Variants in TENM1 observed in about 807,000 individuals in gnomAD.
TENM1 encodes the protein teneurin transmembrane protein 1, also known as teneurin-1.
TENM1 carries 35 observed loss-of-function variants against 174.8 expected under a neutral mutation model. The ratio of observed to expected loss-of-function variants is 0.20; its 90% CI spans 0.15 to 0.27. The LOEUF (loss-of-function observed/expected upper bound fraction) is 0.27. Among genes scored for constraint, TENM1 ranks in the 10% least tolerant of loss-of-function variants. The pLI is 1.00. For missense variants in TENM1, 1,633 were observed against 2,130.1 expected, an observed-to-expected ratio of 0.77 and a Z score of 4.59; for synonymous variants, 781 against 798.7, an observed-to-expected ratio of 0.98 and a Z score of 0.37.
At chrX:124,471,970 A>T (rs2061338746) in intron 22 of TENM1, among the ~76,000 whole-genome samples, 1 of 107,239 alleles carries the variant, frequency 9.3e-6, no homozygotes. Context: ...TATAGAGAGT[A>T]AGGGGAAGTG....
chrX:124,707,932 TCCC>T (rs1207871459), intron 4 of TENM1, among the ~76,000 whole-genome samples: 2 of 112,333 alleles, frequency 1.8e-5, no homozygotes, highest in Non-Finnish European at 3.8e-5. Flanking sequence ...TTTGGGGACT[TCCC>T]CCAGCCTACC....
chrX:124,651,678 T>C (rs1019234201), intron 8 of TENM1, among the ~76,000 whole-genome samples: 12 of 111,595 alleles, frequency 1.1e-4, no homozygotes, highest in African/African-American at 3.9e-4. Context: ...AAAAGATGTA[T>C]GGCAAGTGTC....
In TENM1 at chrX:124,598,797, G is replaced by T. The variant is rs1247066019; in HGVS notation, c.2078-33237C>A. Among the ~76,000 whole-genome samples the T allele has an allele frequency of 2.7e-5, 3 of 110,559 alleles. No individual in the cohort carries two copies. The East Asian group carries it at 8.5e-4, about 31-fold the overall frequency. On this transcript the variant is annotated intron_variant, in intron 11 of 31. Coordinates refer to ENST00000422452, the Ensembl canonical transcript of TENM1. ...GGGAGGGAGATGGGGATGGTTAGTG[G>T]GTACAAAATAATAGAAAGAATGAAT... is the stretch of plus-strand genomic sequence containing the variant.
the TENM1 span, among the ~76,000 whole-genome samples, chrX:125,173,279 A>G: frequency 1.8e-5 from 2 of 111,511 alleles, no homozygotes; most frequent in Admixed American, 1.9e-4. Flanking sequence ...TTAAAGATTC[A>G]ATTATTGCCT....
At chrX:124,408,924 G>GT (rs2060497065) in intron 25 of TENM1, among the ~76,000 whole-genome samples, 1 of 102,751 alleles carries the variant, frequency 9.7e-6, no homozygotes, top group East Asian at 3.1e-4. Context: ...GCAGTGTTTG[G>GT]TTTTTTGTCC....
At chrX:124,723,500 G>GT (rs1351705009) in intron 4 of TENM1, among the ~76,000 whole-genome samples, 2 of 108,768 alleles carry the variant, frequency 1.8e-5, no homozygotes, top group African/African-American at 6.7e-5. Context: ...CTCCATCTAG[G>GT]TTTTTCAATA....
chrX:125,195,663 C>G, the TENM1 span, among the ~76,000 whole-genome samples: 5 of 111,502 alleles, frequency 4.5e-5, no homozygotes, highest in Non-Finnish European at 9.4e-5. Context: ...AGATATATCA[C>G]AAATGTACTA....
chrX:124,631,888 C>CAA lies in TENM1; in HGVS notation c.2077+9901_2077+9902dup, dbSNP rs1207149583. Among the ~76,000 whole-genome samples, 197 of 29,585 alleles carry CAA rather than the reference C, an allele frequency of 6.7e-3. 5 individuals are homozygous for CAA. Among genetic ancestry groups the CAA allele is most frequent in the African/African-American group, 0.019 (157 of 8,128 alleles). The allele number at this position is 29,585 out of a possible 115,157, so 25.7% of individuals were successfully genotyped here. ...TGGGCGACAGTATGAGACTCTGTCT[C>CAA]AAAAAAAAAAAAAAAAAAAAATCCA... is the stretch of plus-strand genomic sequence containing the variant. On this transcript the variant is annotated intron_variant, in intron 11 of 31. Transcript: ENST00000422452.
the TENM1 span, among the ~76,000 whole-genome samples, chrX:125,051,381 G>A: frequency 0.08 from 8,688 of 108,829 alleles, 941 homozygotes; most frequent in African/African-American, 0.28. Context: ...AGCCCGCATC[G>A]CCAAGTCAAT....
the TENM1 span, among the ~76,000 whole-genome samples, chrX:125,009,979 A>T: frequency 1.3e-4 from 15 of 111,834 alleles, no homozygotes; most frequent in Non-Finnish European, 1.9e-5. Flanking sequence ...GCACAAGACA[A>T]GGATGCCCTC....
the TENM1 span, among the ~76,000 whole-genome samples, chrX:125,024,362 A>C: frequency 9.3e-6 from 1 of 107,113 alleles, no homozygotes; most frequent in Non-Finnish European, 1.9e-5. Context: ...ACACACATAC[A>C]TATGCACACA....
At chrX:124,678,727 T>C (rs961857757) in intron 5 of TENM1, among the ~76,000 whole-genome samples, 1 of 111,369 alleles carries the variant, frequency 9.0e-6, no homozygotes. Context: ...CCAAATAATA[T>C]AGTTTGAAAT....
At chrX:125,047,086 G>A in the TENM1 span, among the ~76,000 whole-genome samples, 8 of 110,879 alleles carry the variant, frequency 7.2e-5, no homozygotes, top group African/African-American at 2.6e-4. Flanking sequence ...TGCTTCGAGA[G>A]GCCACAAACT....
chrX:125,199,799 A>G, the TENM1 span, among the ~76,000 whole-genome samples: 6 of 111,620 alleles, frequency 5.4e-5, no homozygotes, highest in South Asian at 2.2e-3. Context: ...AATTAGCTTA[A>G]TTTCTATACA....
chrX:124,596,496 C>T (rs1569333412), intron 11 of TENM1, among the ~76,000 whole-genome samples: 1 of 112,051 alleles, frequency 8.9e-6, no homozygotes, highest in Non-Finnish European at 1.9e-5. Context: ...GAGAAAAGTA[C>T]TATGAAGGAG....
At chrX:124,397,871 G>T (rs1354995130) in intron 27 of TENM1, among the ~76,000 whole-genome samples, 2 of 108,978 alleles carry the variant, frequency 1.8e-5, no homozygotes, top group Non-Finnish European at 3.8e-5. Context: ...GGGATTACAG[G>T]TGTGAGCCAC....
chrX:125,042,731 A>T, the TENM1 span, among the ~76,000 whole-genome samples: 1 of 111,563 alleles, frequency 9.0e-6, no homozygotes, highest in Non-Finnish European at 1.9e-5. Context: ...TTCATGTGAA[A>T]TCCTTCCTCT....
intron 1 of TENM1, among the ~76,000 whole-genome samples, chrX:124,936,813 G>A (rs369885653): frequency 2.7e-5 from 3 of 111,408 alleles, no homozygotes; most frequent in African/African-American, 6.5e-5. Context: ...TTGGGAGGCC[G>A]ACGTGGGCAG....
intron 8 of TENM1, among the ~76,000 whole-genome samples, chrX:124,650,917 G>A (rs770888128): frequency 2.3e-4 from 26 of 111,153 alleles, no homozygotes; most frequent in Admixed American, 1.6e-3. Flanking sequence ...ATAATCTTAC[G>A]GCTGAAATAC....
Sources: allele counts gnomAD v4.1 joint callset (sites outside exome capture counted in the v4.1 genomes callset), GRCh38; gene constraint gnomAD v4.1.1; transcripts MANE v1.5; gene names NCBI Gene and HGNC (gene_info 2026-07-23, HGNC 2026-07-21).